The following CHM variants were observed in gnomAD, a reference collection of about 807,000 sequenced individuals.
CHM encodes the protein CHM Rab escort protein, also known as rab proteins geranylgeranyltransferase component A 1.
CHM carries 10 observed loss-of-function variants against 49.0 expected under a neutral mutation model. The ratio of observed to expected loss-of-function variants is 0.20; its 90% confidence interval spans 0.13 to 0.35. The LOEUF (loss-of-function observed/expected upper bound fraction) is 0.35, where lower values mean the gene tolerates loss of function less well. Ranked by LOEUF, CHM falls within the 10% of genes least tolerant of loss-of-function variation. The pLI, the probability that CHM is intolerant of heterozygous loss-of-function variation, is 1.00. For missense variants in CHM, 455 were observed against 478.4 expected (o/e 0.95, Z 0.46); for synonymous variants, 184 against 167.5 (o/e 1.10, Z -0.76).
At chrX:85,916,214 A>C (rs1282434889) in intron 8 of CHM, among the ~76,000 whole-genome samples, 2 of 111,715 alleles carry the variant, frequency 1.8e-5, no homozygotes, top group Non-Finnish European at 3.8e-5. Context: ...TTCCCTATTC[A>C]ATAAATGGTG....
chrX:86,039,010 C>T (rs1004635846), intron 1 of CHM, among the ~76,000 whole-genome samples: 6 of 112,469 alleles, frequency 5.3e-5, no homozygotes, highest in South Asian at 3.6e-4. Context: ...AACTGTTTCA[C>T]CTACATCAAA....
At chrX:85,878,678 T>C (rs1334065487) in intron 13 of CHM, among the ~76,000 whole-genome samples, 2 of 111,711 alleles carry the variant, frequency 1.8e-5, no homozygotes, top group African/African-American at 6.5e-5. Flanking sequence ...TAACTGATTT[T>C]CTAACAATCC....
chrX:85,975,291 ATTTATCCCAGAGAAATGAAAACT>A (rs1169185655), intron 4 of CHM, among the ~76,000 whole-genome samples: 4 of 112,375 alleles, frequency 3.6e-5, no homozygotes, highest in African/African-American at 1.3e-4. Flanking sequence ...ACACTTGGGT[ATTTATCCCAGAGAAATGAAAACT>A]TTTATCCCAG....
chrX:85,981,839 AAAG>A, intron 2 of CHM, 30 bp from the exon 3 acceptor site: 6 of 978,316 alleles, frequency 6.1e-6, no homozygotes, highest in South Asian at 2.2e-5. Context: ...AAAAAAAAGT[AAAG>A]AAAATGGTAT....
rs1243298296 is a variant in CHM at position 85,895,809 on chromosome X, G to A, written c.1414-1525C>T. 2.7e-5 allele frequency among the ~76,000 whole-genome samples: 3 copies of A among 111,423 alleles called. No homozygotes were observed. In the East Asian group the frequency reaches 8.5e-4, roughly 31 times the overall value. The stretch of plus-strand genomic sequence containing the variant: ...AAGAGATAGAAGCCACTAAGACATT[G>A]AATGTTGAACAATAGTTAAATGAGT... On this transcript the variant is annotated intron_variant, in intron 11 of 14. Coordinates refer to ENST00000357749, the MANE Select transcript of CHM (RefSeq NM_000390.4).
At chrX:85,985,075 T>C (rs1331664000) in intron 2 of CHM, among the ~76,000 whole-genome samples, 2 of 111,722 alleles carry the variant, frequency 1.8e-5, no homozygotes, top group African/African-American at 3.3e-5. Flanking sequence ...CCCACTTCCA[T>C]GGCACCTCAC....
Position 85,911,140 on chromosome X carries a change from T to C in CHM, c.1244+121A>G, listed in dbSNP as rs745828986. 0.016 allele frequency: 14 copies of C among 876 alleles called. No homozygotes were observed. The South Asian group carries it at 0.19, about 12-fold the overall frequency. 0.1% of individuals were successfully genotyped at this position (876 alleles called of 1,213,427 possible). ...GTGTGTGTGTATATGTATATATATA[T>C]ATATATATATATATATATATATGTA... On this transcript the variant is annotated intron_variant, in intron 9 of 14. Coordinates refer to ENST00000357749, the MANE Select transcript of CHM (RefSeq NM_000390.4).
intron 8 of CHM, among the ~76,000 whole-genome samples, chrX:85,955,110 G>A (rs1929946712): frequency 9.0e-6 from 1 of 111,252 alleles, no homozygotes; most frequent in African/African-American, 3.3e-5. Context: ...GGGTTTTGAG[G>A]GGGCAGCGGA....
At position 85,949,978 on chromosome X, in the gene CHM, A is replaced by AATAT. The variant is rs200318878; in HGVS notation, c.1166+6171_1166+6174dup. Among the ~76,000 whole-genome samples the AATAT allele has an allele frequency of 5.4e-3, 229 of 42,767 alleles. 7 individuals carry two copies. Among genetic ancestry groups the AATAT allele is most frequent in the Middle Eastern group, 0.036 (2 of 55 alleles). The allele number at this position is 42,767 out of a possible 115,157, so 37.1% of individuals were successfully genotyped here. ...CTTTGAGCAATAAACACTGAAATTA[A>AATAT]ATATATATATATATATATATATATA... is the stretch of plus-strand genomic sequence containing the variant. On this transcript the variant is annotated intron_variant, in intron 8 of 14. Transcript: ENST00000357749.
intron 13 of CHM, 130 bp downstream of exon 13, chrX:85,878,835 T>C (rs1293177612): frequency 3.9e-6 from 2 of 510,396 alleles, no homozygotes; most frequent in African/African-American, 2.3e-5. Context: ...AAGCATCTTA[T>C]CAAAACATGT....
chrX:85,862,540 G>A lies in CHM; in HGVS notation c.*2090C>T, dbSNP rs377166429. ...AACATGATTTGATATAAGAAAAATC[G>A]AATCCCTATGACAAAGTAGGTTATA... On this transcript the variant is annotated 3_prime_UTR_variant, in exon 15 of 15. Transcript: ENST00000357749. The A allele has an allele frequency of 7.2e-5, 8 of 111,732 alleles. No homozygotes were observed. Among genetic ancestry groups the A allele is most frequent in the Admixed American group, 6.7e-4 (7 of 10,434 alleles). The allele number at this position is 111,732 out of a possible 1,213,427, so 9.2% of individuals were successfully genotyped here. A position where few individuals can be genotyped will look rare whatever the true frequency, so the allele number is the denominator to read the frequency against.
At chrX:85,906,929 T>C (rs1926626453) in intron 9 of CHM, among the ~76,000 whole-genome samples, 1 of 109,739 alleles carries the variant, frequency 9.1e-6, no homozygotes, top group South Asian at 3.9e-4. Flanking sequence ...AGGTCAGGAG[T>C]TCGAGACTGC....
chrX:85,920,189 T>G (rs769899869), intron 8 of CHM, among the ~76,000 whole-genome samples: 4 of 109,699 alleles, frequency 3.6e-5, no homozygotes, highest in South Asian at 8.0e-4. Context: ...TCTGCCTCCC[T>G]GGTTCACGCC....
chrX:85,942,211 C>G (rs1339776347), intron 8 of CHM, among the ~76,000 whole-genome samples: 1 of 109,113 alleles, frequency 9.2e-6, no homozygotes, highest in Non-Finnish European at 1.9e-5. Context: ...TGAAGAGGTG[C>G]CTATATATCA....
At chrX:86,014,851 G>A (rs1372054669) in intron 2 of CHM, among the ~76,000 whole-genome samples, 1 of 110,758 alleles carries the variant, frequency 9.0e-6, no homozygotes, top group Non-Finnish European at 1.9e-5. Context: ...AGCAAGCAAA[G>A]AAACTGGTAC....
At chrX:85,970,877 TAC>T in intron 4 of CHM, 1 of 656,899 alleles carries the variant, frequency 1.5e-6, no homozygotes, top group Non-Finnish European at 1.8e-6. Flanking sequence ...GATAGTTCTT[TAC>T]AGTCTATGAT....
Position 86,022,302 on chromosome X carries a change from G to A in CHM, c.116+5189C>T, listed in dbSNP as rs764349630. The stretch of plus-strand genomic sequence containing the variant: ...AGACATGACAGATAGAGCTGGGGAA[G>A]TAGACTGAACCTGATGAAGAGTCTT... On this transcript the variant is annotated intron_variant, in intron 2 of 14. Transcript: ENST00000357749. 2.0e-4 allele frequency among the ~76,000 whole-genome samples: 22 copies of A among 111,957 alleles called. 1 individual carries two copies.
At chrX:85,883,850 ATAAC>A (rs771063615) in intron 12 of CHM, among the ~76,000 whole-genome samples, 8 of 110,814 alleles carry the variant, frequency 7.2e-5, no homozygotes, top group South Asian at 7.6e-4. Flanking sequence ...CATATCACAG[ATAAC>A]TAACATCCTG....
intron 8 of CHM, among the ~76,000 whole-genome samples, chrX:85,931,941 T>C (rs1193042248): frequency 1.8e-5 from 2 of 112,412 alleles, no homozygotes; most frequent in East Asian, 5.6e-4. Flanking sequence ...GCTTTCAGTG[T>C]CCTCATTTTT....
Sources: gnomAD v4.1 joint callset for allele counts (sites outside exome capture counted in the v4.1 genomes callset) on GRCh38, gnomAD v4.1.1 for gene constraint, MANE v1.5 for transcripts, NCBI Gene and HGNC (gene_info 2026-07-23, HGNC 2026-07-21) for gene names.